The following CSGALNACT1 variants were observed in gnomAD, a reference collection of about 807,000 sequenced individuals.
The protein encoded by CSGALNACT1 is beta4GalNAcT-1.
Under a neutral mutation model 51.0 loss-of-function variants are expected in CSGALNACT1, and 52 were observed. The observed-to-expected ratio is 1.02, with a 90% CI of 0.82 to 1.29. CSGALNACT1 has a LOEUF of 1.29. CSGALNACT1 is among the 50% of genes most tolerant of loss of function. The pLI is 0.00. For synonymous variants in CSGALNACT1, 341 were observed against 254.4 expected, an observed-to-expected ratio of 1.34 and a Z score of -3.24; for missense variants, 935 against 679.2, an observed-to-expected ratio of 1.38 and a Z score of -4.19.
At chr8:19,679,387 G>T (rs902839591) in intron 1 of CSGALNACT1, among the ~76,000 whole-genome samples, 2 of 152,016 alleles carry the variant, frequency 1.3e-5, no homozygotes, top group Non-Finnish European at 2.9e-5. Context: ...GCTCAGGGAG[G>T]TCGAGGCTGC....
intron 4 of CSGALNACT1, among the ~76,000 whole-genome samples, chr8:19,489,437 G>C (rs936604466): frequency 6.6e-6 from 1 of 151,992 alleles, no homozygotes; most frequent in Non-Finnish European, 1.5e-5. Context: ...CTTTCCTCTG[G>C]TCTCAAAGGA....
chr8:19,714,385 G>T (rs537913683), intron 1 of CSGALNACT1, among the ~76,000 whole-genome samples: 1 of 151,916 alleles, frequency 6.6e-6, no homozygotes, highest in South Asian at 2.1e-4. Flanking sequence ...GAGCCTCTCG[G>T]ATCTGTAATT....
chr8:19,528,918 G>C (rs974724113), intron 3 of CSGALNACT1, among the ~76,000 whole-genome samples: 2 of 152,228 alleles, frequency 1.3e-5, no homozygotes, highest in South Asian at 2.1e-4. Flanking sequence ...AGTGGGATGT[G>C]ACTGGGGAAG....
intron 6 of CSGALNACT1, among the ~76,000 whole-genome samples, chr8:19,424,515 C>T (rs1007368780): frequency 1.4e-4 from 21 of 152,152 alleles, no homozygotes; most frequent in African/African-American, 4.8e-4. Context: ...AAAATCAAGA[C>T]AACTTCCTGT....
intron 3 of CSGALNACT1, among the ~76,000 whole-genome samples, chr8:19,516,162 A>G (rs2154023977): frequency 6.6e-6 from 1 of 152,290 alleles, no homozygotes; most frequent in East Asian, 1.9e-4. Flanking sequence ...CGTTGGGGCC[A>G]GACATCATAC....
At chr8:19,467,727 G>A (rs563556067) in intron 4 of CSGALNACT1, among the ~76,000 whole-genome samples, 1 of 152,082 alleles carries the variant, frequency 6.6e-6, no homozygotes, top group East Asian at 1.9e-4. Context: ...GCTCATGCCT[G>A]CAATCCCAGA....
At chr8:19,644,330 TTTC>T (rs1270938818) in intron 1 of CSGALNACT1, among the ~76,000 whole-genome samples, 3 of 151,956 alleles carry the variant, frequency 2.0e-5, no homozygotes, top group South Asian at 2.1e-4. Flanking sequence ...AATTAGTATA[TTTC>T]TTTTTTGTTT....
At chr8:19,505,404 G>A (rs2077127717) in exon 4 of CSGALNACT1, 3 of 1,614,214 alleles carry the variant, frequency 1.9e-6, no homozygotes, top group East Asian at 2.2e-5. Context: ...AGGCACTGCT[G>A]CATACTCTGT....
intron 1 of CSGALNACT1, among the ~76,000 whole-genome samples, chr8:19,732,857 AT>A (rs1211085422): frequency 6.6e-6 from 1 of 152,162 alleles, no homozygotes; most frequent in Non-Finnish European, 1.5e-5. Flanking sequence ...TAATTTTCTA[AT>A]TTATCTATTT....
chr8:19,508,839 TTAAAAAC>T (rs1472275280), intron 3 of CSGALNACT1, among the ~76,000 whole-genome samples: 1 of 152,234 alleles, frequency 6.6e-6, no homozygotes, highest in Non-Finnish European at 1.5e-5. Context: ...TGAACACTAT[TTAAAAAC>T]TAAATCGGTG....
intron 1 of CSGALNACT1, among the ~76,000 whole-genome samples, chr8:19,706,020 T>G (rs1470084061): frequency 6.6e-5 from 10 of 152,134 alleles, no homozygotes; most frequent in Non-Finnish European, 1.5e-5. Flanking sequence ...AATCTGGAGG[T>G]GCAGTAGCTA....
chr8:19,598,128 G>A (rs1444292373), intron 2 of CSGALNACT1, among the ~76,000 whole-genome samples: 1 of 152,216 alleles, frequency 6.6e-6, no homozygotes, highest in Non-Finnish European at 1.5e-5. Flanking sequence ...GCACAGGCTT[G>A]GAGGTAGAAC....
At chr8:19,712,327 A>T (rs968138005) in intron 1 of CSGALNACT1, among the ~76,000 whole-genome samples, 1 of 152,164 alleles carries the variant, frequency 6.6e-6, no homozygotes, top group African/African-American at 2.4e-5. Flanking sequence ...GCCTGGCCAG[A>T]ACTCAGAGCT....
chr8:19,522,407 T>C (rs940639009), intron 3 of CSGALNACT1, among the ~76,000 whole-genome samples: 8 of 152,224 alleles, frequency 5.3e-5, no homozygotes, highest in African/African-American at 9.6e-5. Flanking sequence ...TCCAGATCCA[T>C]TTATTTTAAG....
chr8:19,604,509 A>G (rs994477176), upstream of CSGALNACT1, among the ~76,000 whole-genome samples: 1 of 152,156 alleles, frequency 6.6e-6, no homozygotes, highest in African/African-American at 2.4e-5. Context: ...GATCTTTCTA[A>G]CTTTCAAAAC....
intron 1 of CSGALNACT1, among the ~76,000 whole-genome samples, chr8:19,634,051 C>T (rs1309412392): frequency 6.6e-6 from 1 of 152,168 alleles, no homozygotes. Context: ...CCTCCTGGGA[C>T]TTGGGAGTTT....
At chr8:19,681,250 G>A (rs2060594822) in intron 1 of CSGALNACT1, among the ~76,000 whole-genome samples, 1 of 152,106 alleles carries the variant, frequency 6.6e-6, no homozygotes, top group African/African-American at 2.4e-5. Flanking sequence ...TTCACAGCAA[G>A]GAAAGGAACA....
chr8:19,640,295 T>G (rs763171745), intron 1 of CSGALNACT1, among the ~76,000 whole-genome samples: 7 of 152,168 alleles, frequency 4.6e-5, no homozygotes, highest in Non-Finnish European at 1.0e-4. Context: ...ATTACACATG[T>G]ATGGAAAATG....
At chr8:19,691,196 G>C (rs1228292580) in intron 1 of CSGALNACT1, among the ~76,000 whole-genome samples, 2 of 152,226 alleles carry the variant, frequency 1.3e-5, no homozygotes, top group African/African-American at 4.8e-5. Context: ...AGATAGGTCT[G>C]AGTGTGGGGG....
Sources: gnomAD v4.1 joint callset for allele counts (sites outside exome capture counted in the v4.1 genomes callset) on GRCh38, gnomAD v4.1.1 for gene constraint, MANE v1.5 for transcripts, NCBI Gene and HGNC (gene_info 2026-07-23, HGNC 2026-07-21) for gene names.